The following FBXO28 variants were observed in gnomAD, a reference collection of about 807,000 sequenced individuals.
The protein encoded by FBXO28 is F-box only protein 28.
FBXO28 carries 8 observed loss-of-function variants against 38.1 expected under a neutral mutation model. The ratio of observed to expected loss-of-function variants is 0.21; its 90% CI spans 0.12 to 0.38. The LOEUF (loss-of-function observed/expected upper bound fraction) is 0.38. FBXO28 is among the 10% of genes least tolerant of loss of function. FBXO28 has a pLI of 1.00. For missense variants in FBXO28, 345 were observed against 460.6 expected, an observed-to-expected ratio of 0.75 and a Z score of 2.30; for synonymous variants, 168 against 173.8, an observed-to-expected ratio of 0.97 and a Z score of 0.26.
chr1:224,114,684 A>G (rs1292442478), intron 1 of FBXO28, among the ~76,000 whole-genome samples: 1 of 151,132 alleles, frequency 6.6e-6, no homozygotes, highest in African/African-American at 2.4e-5. Flanking sequence ...GGGGTAGCGG[A>G]GTTGGTCTTC....
Position 224,146,466 on chromosome 1 carries a change from C to T in FBXO28, c.517-6676C>T, listed in dbSNP as rs952017929. ...AGATTAAAAAATTATTTCTCACCCA[C>T]AGTCTAAAGGCCTAAATGATATTCA... is the stretch of plus-strand genomic sequence containing the variant. On this transcript the variant is annotated intron_variant, in intron 3 of 4. Coordinates refer to ENST00000366862, the MANE Select transcript of FBXO28 (RefSeq NM_015176.4). 4.6e-5 allele frequency among the ~76,000 whole-genome samples: 7 copies of T among 152,216 alleles called. No individual in the cohort carries two copies. In the South Asian group the frequency reaches 8.3e-4, roughly 18 times the overall value.
intron 1 of FBXO28, among the ~76,000 whole-genome samples, chr1:224,125,549 A>G (rs766312189): frequency 9.2e-5 from 14 of 151,902 alleles, no homozygotes; most frequent in Non-Finnish European, 1.8e-4. Context: ...AGCTCTCCCA[A>G]TACCAGATCT....
chr1:224,135,720 G>A (rs1572014679), intron 3 of FBXO28, among the ~76,000 whole-genome samples: 2 of 152,062 alleles, frequency 1.3e-5, no homozygotes, highest in Admixed American at 1.3e-4. Context: ...TCACGTGTTT[G>A]GAATGGTGAT....
At chr1:224,157,221 C>A (rs1657793676) in intron 4 of FBXO28, 131 bp from the exon 5 acceptor site, 1 of 1,138,664 alleles carries the variant, frequency 8.8e-7, no homozygotes, top group Non-Finnish European at 1.2e-6. Context: ...CCCAACTGAC[C>A]AAATGGATTG....
At chr1:224,129,054 T>C (rs1249097339) in intron 1 of FBXO28, among the ~76,000 whole-genome samples, 1 of 151,792 alleles carries the variant, frequency 6.6e-6, no homozygotes, top group African/African-American at 2.4e-5. Context: ...TGCTAAGATA[T>C]TTTGGGCCGA....
At chr1:224,142,267 G>A (rs10916367) in intron 3 of FBXO28, among the ~76,000 whole-genome samples, 76,068 of 151,194 alleles carry the variant, frequency 0.5, 20,380 homozygotes, top group South Asian at 0.6. Context: ...CAGGAGAATC[G>A]CTTGAACCCA....
intron 3 of FBXO28, among the ~76,000 whole-genome samples, chr1:224,142,659 T>TA (rs1009599213): frequency 1.3e-5 from 2 of 151,380 alleles, no homozygotes; most frequent in African/African-American, 4.9e-5. Context: ...CTACTAAAAA[T>TA]AAAAAAATTG....
chr1:224,121,413 A>G (rs1251700017), intron 1 of FBXO28, among the ~76,000 whole-genome samples: 1 of 152,238 alleles, frequency 6.6e-6, no homozygotes, highest in Non-Finnish European at 1.5e-5. Flanking sequence ...TAATTCTACC[A>G]GCAGATAATT....
At chr1:224,117,749 T>G (rs968342312) in intron 1 of FBXO28, among the ~76,000 whole-genome samples, 1 of 152,086 alleles carries the variant, frequency 6.6e-6, no homozygotes, top group African/African-American at 2.4e-5. Context: ...GGCTCACGCC[T>G]GTAATCCCAG....
intron 1 of FBXO28, among the ~76,000 whole-genome samples, chr1:224,120,979 AGAG>A (rs946088578): frequency 1.1e-4 from 17 of 152,002 alleles, no homozygotes; most frequent in Non-Finnish European, 2.2e-4. Flanking sequence ...TACTTCCAAG[AGAG>A]GAGATTAGAA....
At position 224,152,041 on chromosome 1, in the gene FBXO28, TA is replaced by T. The variant is rs11417373; in HGVS notation, c.517-1088del. Reference sequence around the variant, plus strand: ...TGGACAACACAGTGAGACTCCATCTTAAAAAAAAAAAAAGGAATTTTATCTT... The same window carrying T: ...TGGACAACACAGTGAGACTCCATCTTAAAAAAAAAAAAGGAATTTTATCTT... On this transcript the variant is annotated intron_variant, in intron 3 of 4. Transcript: ENST00000366862. Among the ~76,000 whole-genome samples the T allele has an allele frequency of 8.8e-3, 1,243 of 141,744 alleles. 29 individuals carry two copies. The highest frequency in any genetic ancestry group is 6.7e-3 in the African/African-American group (256 of 38,302). The allele number at this position is 141,744 out of a possible 152,430, so 93.0% of individuals were successfully genotyped here.
Position 224,114,337 on chromosome 1 carries a change from G to C in FBXO28, c.208G>C (p.Val70Leu). ...QNNTLVALPI[V>L]AIENILSFMS... Reference sequence around the variant, plus strand: ...CAACACGCTTGTGGCGCTGCCCATCGTAGCCATCGAGAACATCCTCAGCTT... The same window carrying C: ...CAACACGCTTGTGGCGCTGCCCATCCTAGCCATCGAGAACATCCTCAGCTT... The change falls in exon 1 of 5, where the codon GTA (valine) becomes CTA (leucine). Residue 70 changes from valine to leucine, a missense_variant. Physicochemically the swap from Val to Leu is conservative, Grantham distance 32. This residue lies in a region of FBXO28 where 56 missense variants were observed against 99.8 expected (regional missense o/e 0.56). Coordinates refer to ENST00000366862, the MANE Select transcript of FBXO28 (RefSeq NM_015176.4). 1.3e-6 allele frequency: 2 copies of C among 1,594,040 alleles called. No homozygotes were observed. The highest frequency in any genetic ancestry group is 1.7e-6 in the Non-Finnish European group (2 of 1,170,242).
At chr1:224,153,913 C>T (rs1657706387) in intron 4 of FBXO28, among the ~76,000 whole-genome samples, 2 of 141,648 alleles carry the variant, frequency 1.4e-5, no homozygotes, top group South Asian at 4.5e-4. Flanking sequence ...AAGAGCGAAA[C>T]TCCATCTCAA....
At chr1:224,132,035 C>G (rs1450370515) in intron 2 of FBXO28, among the ~76,000 whole-genome samples, 1 of 152,072 alleles carries the variant, frequency 6.6e-6, no homozygotes, top group Admixed American at 6.6e-5. Flanking sequence ...GGTGGATCAC[C>G]TGAGGTCAGG....
chr1:224,130,855 A>G lies in FBXO28; in HGVS notation c.377+274A>G, dbSNP rs891709449. The G allele has an allele frequency of 2.1e-5, 6 of 290,052 alleles. No homozygotes were observed. The Admixed American group carries it at 2.4e-4, about 12-fold the overall frequency. 18.0% of individuals were successfully genotyped at this position (290,052 alleles called of 1,614,324 possible). ...ATAGAACTCTCTGTTCACAGATGAT[A>G]TGATCTTGTGGATAAGGAGTGCACT... On this transcript the variant is annotated intron_variant, in intron 2 of 4. Transcript: ENST00000366862.
Position 224,142,574 on chromosome 1 carries a change from G to A in FBXO28, c.516+8362G>A, listed in dbSNP as rs1194666638. On this transcript the variant is annotated intron_variant, in intron 3 of 4. Coordinates refer to ENST00000366862, the MANE Select transcript of FBXO28 (RefSeq NM_015176.4). ...CTCACGCCTGTGATCCCAGCACTTTGGGAGGCTGAGGTGGGTGGATCACCT... is the reference window on the plus strand; with the variant it reads ...CTCACGCCTGTGATCCCAGCACTTTAGGAGGCTGAGGTGGGTGGATCACCT... 9.9e-5 allele frequency among the ~76,000 whole-genome samples: 15 copies of A among 152,096 alleles called. No individual in the cohort carries two copies. In the East Asian group the frequency reaches 2.9e-3, roughly 29 times the overall value.
intron 1 of FBXO28, among the ~76,000 whole-genome samples, chr1:224,128,074 G>A (rs917688316): frequency 7.9e-5 from 12 of 152,042 alleles, no homozygotes; most frequent in African/African-American, 2.9e-4. Flanking sequence ...CAGTTTGCCA[G>A]GATTTTTGTC....
At position 224,156,788 on chromosome 1, in the gene FBXO28, A is replaced by G. The variant is rs1388670204; in HGVS notation, c.713-564A>G. Among the ~76,000 whole-genome samples the G allele has an allele frequency of 2.0e-5, 3 of 149,936 alleles. No individual in the cohort carries two copies. The East Asian group carries it at 5.9e-4, about 30-fold the overall frequency. ...GCCGAGGCAGGCAGATCATGAGGTC[A>G]GGAGATCCACACCATCCTGGCTAAC... is the stretch of plus-strand genomic sequence containing the variant. On this transcript the variant is annotated intron_variant, in intron 4 of 4. Transcript: ENST00000366862.
At chr1:224,136,927 T>A (rs1206183334) in intron 3 of FBXO28, among the ~76,000 whole-genome samples, 1 of 151,152 alleles carries the variant, frequency 6.6e-6, no homozygotes, top group Non-Finnish European at 1.5e-5. Context: ...AATTTTTGTA[T>A]TTTTAGTAGA....
Sources: gnomAD v4.1 joint callset for allele counts (sites outside exome capture counted in the v4.1 genomes callset) on GRCh38, gnomAD v4.1.1 for gene constraint, gnomAD v4.1.1 regional missense constraint, MANE v1.5 for transcripts, NCBI Gene and HGNC (gene_info 2026-07-23, HGNC 2026-07-21) for gene names.